The following ATP2B1 variants were observed in gnomAD, a reference collection of about 807,000 sequenced individuals.
ATP2B1 encodes ATPase plasma membrane Ca2+ transporting 1.
A neutral mutation model predicts 124.2 loss-of-function variants in ATP2B1; 14 were observed. The observed-to-expected ratio is 0.11, with a 90% CI of 0.07 to 0.18. ATP2B1 has a LOEUF of 0.18. ATP2B1 is among the 10% of genes least tolerant of loss of function. The pLI is 1.00. For missense variants in ATP2B1, 763 were observed against 1,466.1 expected (o/e 0.52, Z 7.83); for synonymous variants, 449 against 492.4 (o/e 0.91, Z 1.17).
Position 89,604,201 on chromosome 12 carries a change from TTAACAG to T in ATP2B1, c.2582_2587del (p.Thr861_Val862del). ...AAAAGCAACAATCACTGCTACTACATTAACAGTAAGTTGGAACTGAAGGAATTTTGA... is the reference window on the plus strand; with the variant it reads ...AAAAGCAACAATCACTGCTACTACATTAAGTTGGAACTGAAGGAATTTTGA... On this transcript the variant is annotated inframe_deletion, in exon 16 of 21. Transcript: ENST00000428670. 6.2e-7 allele frequency: 1 copy of T among 1,614,082 alleles called. No homozygotes were observed. The highest frequency in any genetic ancestry group is 8.5e-7 in the Non-Finnish European group (1 of 1,180,002).
intron 12 of ATP2B1, chr12:89,612,241 ACACAAAC>A (rs1162520407): frequency 6.6e-6 from 1 of 152,142 alleles, no homozygotes; most frequent in East Asian, 1.9e-4. Flanking sequence ...CAGCTGTTAT[ACACAAAC>A]CACAAAGTTC....
chr12:89,679,288 A>G (rs904141553), intron 1 of ATP2B1, among the ~76,000 whole-genome samples: 30 of 152,302 alleles, frequency 2.0e-4, no homozygotes, highest in African/African-American at 7.2e-4. Flanking sequence ...CTCAAAGCCT[A>G]AAATATTTAA....
intron 1 of ATP2B1, among the ~76,000 whole-genome samples, chr12:89,658,447 G>A (rs1886226673): frequency 6.6e-6 from 1 of 152,176 alleles, no homozygotes; most frequent in Non-Finnish European, 1.5e-5. Flanking sequence ...GTAAATAATT[G>A]CTTAGTTCTG....
chr12:89,629,035 G>A (rs185983840), intron 6 of ATP2B1, among the ~76,000 whole-genome samples: 2 of 152,298 alleles, frequency 1.3e-5, no homozygotes, highest in Non-Finnish European at 2.9e-5. Context: ...CAAATTAGAT[G>A]TTAATTTCTG....
chr12:89,614,147 TTAAACCGTAAG>T (rs1400257083), intron 12 of ATP2B1, among the ~76,000 whole-genome samples: 1 of 152,124 alleles, frequency 6.6e-6, no homozygotes, highest in Non-Finnish European at 1.5e-5. Flanking sequence ...ATGTTAAAGT[TTAAACCGTAAG>T]TCAATGTATA....
At chr12:89,674,318 C>T (rs891740335) in intron 1 of ATP2B1, among the ~76,000 whole-genome samples, 2 of 143,588 alleles carry the variant, frequency 1.4e-5, no homozygotes, top group African/African-American at 5.2e-5. Flanking sequence ...GAAGTTCACA[C>T]AGGGTTCAAA....
At chr12:89,661,803 G>A (rs1886727998) in intron 1 of ATP2B1, among the ~76,000 whole-genome samples, 1 of 152,086 alleles carries the variant, frequency 6.6e-6, no homozygotes, top group African/African-American at 2.4e-5. Flanking sequence ...TTTGCACACA[G>A]ACATAGTTAC....
At chr12:89,634,942 G>T (rs537231725) in intron 4 of ATP2B1, 39 bp from the exon 5 acceptor site, 55 of 1,610,236 alleles carry the variant, frequency 3.4e-5, no homozygotes, top group Admixed American at 5.0e-5. Context: ...TTATAAACAA[G>T]ATTACAGTAA....
At chr12:89,694,573 C>T (rs1286826221) in intron 1 of ATP2B1, among the ~76,000 whole-genome samples, 1 of 152,162 alleles carries the variant, frequency 6.6e-6, no homozygotes, top group Non-Finnish European at 1.5e-5. Context: ...CTTGTGGAAA[C>T]ATTTAATTTA....
intron 11 of ATP2B1, among the ~76,000 whole-genome samples, chr12:89,618,079 G>T (rs574820874): frequency 6.6e-6 from 1 of 151,450 alleles, no homozygotes; most frequent in South Asian, 2.1e-4. Context: ...TAACTGATAT[G>T]TCTCTAGTTG....
At chr12:89,618,531 T>A (rs1414903990) in intron 11 of ATP2B1, among the ~76,000 whole-genome samples, 1 of 152,200 alleles carries the variant, frequency 6.6e-6, no homozygotes, top group African/African-American at 2.4e-5. Context: ...TGAAACAGAT[T>A]TCTAACCTTT....
At position 89,708,752 on chromosome 12, in the gene ATP2B1, G is replaced by A. The variant is rs1235412875; in HGVS notation, c.-378C>T. ...GCAGGGCTCGGGGCGCCACGCGGAG[G>A]TGCAGCTGCACCTCGGGGATGGGGC... is the stretch of plus-strand genomic sequence containing the variant. On this transcript the variant is annotated 5_prime_UTR_variant, in exon 1 of 21. Transcript: ENST00000428670. The A allele has an allele frequency of 1.3e-5, 2 of 152,058 alleles. No individual in the cohort carries two copies. The allele number at this position is 152,058 out of a possible 1,614,324, so 9.4% of individuals were successfully genotyped here.
rs1285549813 is a variant in ATP2B1, at chr12:89,603,467, A to G, written c.2849-213T>C. 1.1e-5 allele frequency: 7 copies of G among 631,422 alleles called. No individual in the cohort carries two copies. The highest frequency in any genetic ancestry group is 1.6e-5 in the Non-Finnish European group (6 of 370,090). The allele number at this position is 631,422 out of a possible 1,614,324, so 39.1% of individuals were successfully genotyped here. On this transcript the variant is annotated intron_variant, in intron 17 of 20. Coordinates refer to ENST00000428670, the MANE Select transcript of ATP2B1 (RefSeq NM_001366521.1). The surrounding 1 kb of genome is among the most constrained non-coding windows in gnomAD (Gnocchi z 4.3). ...ACTATGGTGATAATCTCAGGATCAC[A>G]TATCTAAATTAGTGGAGAGCCAGGG...
In ATP2B1 at chr12:89,604,170, G is replaced by A. The variant is rs775895156; in HGVS notation, c.2619C>T (p.Gly873=). 1.7e-5 allele frequency: 27 copies of A among 1,613,360 alleles called. 1 individual carries two copies. The Middle Eastern group carries it at 8.5e-4, about 51-fold the overall frequency. Residue 873 remains glycine, a synonymous_variant, in exon 16 of 21, where the codon GGC becomes GGT. Coordinates refer to ENST00000428670, the MANE Select transcript of ATP2B1 (RefSeq NM_001366521.1). ...CATCACCTACTTGAGTAATGCAGGC[G>A]CCCGTAAAAGCAACAATCACTGCTA... is the stretch of plus-strand genomic sequence containing the variant. ...NVVAVIVAFT[G]ACITQDSPLK...
chr12:89,670,886 C>T (rs1042849189), intron 1 of ATP2B1, among the ~76,000 whole-genome samples: 4 of 140,946 alleles, frequency 2.8e-5, no homozygotes, highest in African/African-American at 7.9e-5. Flanking sequence ...TGCCCACATA[C>T]AACAGAAGAA....
rs139003749 is a variant in ATP2B1 at position 89,607,461 on chromosome 12, G to A, written c.2442+2476C>T. Among the ~76,000 whole-genome samples the A allele has an allele frequency of 3.1e-3, 479 of 152,258 alleles. 11 individuals are homozygous for A. Among genetic ancestry groups the A allele is most frequent in the Admixed American group, 0.029 (445 of 15,302 alleles). On this transcript the variant is annotated intron_variant, in intron 15 of 20. Transcript: ENST00000428670. ...CACTGTCCTGTAATTATTTCCATGT[G>A]CTGTGAATTTTTAGGAGACAGCAAC...
At chr12:89,610,867 C>G (rs1223415570) in intron 13 of ATP2B1, among the ~76,000 whole-genome samples, 1 of 152,096 alleles carries the variant, frequency 6.6e-6, no homozygotes, top group Admixed American at 6.6e-5. Flanking sequence ...GAGTTTGGGG[C>G]CCCCTAAAAT....
chr12:89,592,797 G>C (rs538319833), intron 20 of ATP2B1, among the ~76,000 whole-genome samples: 1 of 152,010 alleles, frequency 6.6e-6, no homozygotes, highest in Non-Finnish European at 1.5e-5. Flanking sequence ...CACAAGTATC[G>C]AGGCCAGGGC....
intron 6 of ATP2B1, among the ~76,000 whole-genome samples, chr12:89,629,700 G>A (rs1480152315): frequency 1.3e-5 from 2 of 152,152 alleles, no homozygotes. Context: ...ACAACAATAT[G>A]GGTTTACTAT....
Sources: allele counts gnomAD v4.1 joint callset (sites outside exome capture counted in the v4.1 genomes callset), GRCh38; gene constraint gnomAD v4.1.1; non-coding constraint Gnocchi (gnomAD v3.1); transcripts MANE v1.5; gene names NCBI Gene and HGNC (gene_info 2026-07-23, HGNC 2026-07-21).